The following ST6GALNAC3 variants were observed in gnomAD, a reference collection of about 807,000 sequenced individuals.
ST6GALNAC3 encodes the protein ST6 N-acetylgalactosaminide alpha-2,6-sialyltransferase 3, also known as alpha-N-acetylgalactosaminide alpha-2,6-sialyltransferase 3.
Under a neutral mutation model 32.7 loss-of-function variants are expected in ST6GALNAC3, and 25 were observed. The ratio of observed to expected loss-of-function variants is 0.76; its 90% confidence interval spans 0.56 to 1.07. The LOEUF (loss-of-function observed/expected upper bound fraction) is 1.07, where lower values mean the gene tolerates loss of function less well. ST6GALNAC3 is among the 50% of genes least tolerant of loss of function. The pLI is 0.00. For synonymous variants in ST6GALNAC3, 129 were observed against 133.1 expected (o/e 0.97, Z 0.21); for missense variants, 355 against 382.4 (o/e 0.93, Z 0.60).
At chr1:76,128,180 G>A (rs1384386560) in intron 1 of ST6GALNAC3, among the ~76,000 whole-genome samples, 1 of 152,094 alleles carries the variant, frequency 6.6e-6, no homozygotes, top group African/African-American at 2.4e-5. Flanking sequence ...AGCATACAAG[G>A]TGCTTGTTGG....
intron 1 of ST6GALNAC3, among the ~76,000 whole-genome samples, chr1:76,147,106 A>G (rs1167673962): frequency 4.3e-5 from 6 of 140,284 alleles, no homozygotes; most frequent in Admixed American, 7.5e-5. Context: ...TCTGTCTCCC[A>G]GGCTGGAGTA....
chr1:76,372,897 A>ACAT (rs1224327130), intron 2 of ST6GALNAC3, among the ~76,000 whole-genome samples: 1 of 152,180 alleles, frequency 6.6e-6, no homozygotes, highest in African/African-American at 2.4e-5. Flanking sequence ...TACCAGCCAG[A>ACAT]CATGCTCCTT....
At chr1:76,311,205 T>C (rs897041020) in intron 1 of ST6GALNAC3, among the ~76,000 whole-genome samples, 1 of 152,044 alleles carries the variant, frequency 6.6e-6, no homozygotes, top group African/African-American at 2.4e-5. Context: ...ACCTATACTC[T>C]CTCCCTGCTC....
At chr1:76,457,743 T>C (rs1657944031) in intron 3 of ST6GALNAC3, among the ~76,000 whole-genome samples, 1 of 152,128 alleles carries the variant, frequency 6.6e-6, no homozygotes, top group Non-Finnish European at 1.5e-5. Flanking sequence ...TCAAGCTGGA[T>C]TAAAGATTTA....
chr1:76,505,286 C>G (rs576837487), intron 3 of ST6GALNAC3, among the ~76,000 whole-genome samples: 8 of 152,116 alleles, frequency 5.3e-5, no homozygotes, highest in Admixed American at 1.3e-4. Context: ...CCATGCCCAG[C>G]TAATTTTTTG....
intron 2 of ST6GALNAC3, among the ~76,000 whole-genome samples, chr1:76,390,946 A>ATTTTTTTTTTT (rs58114434): frequency 5.0e-5 from 6 of 121,072 alleles, no homozygotes; most frequent in South Asian, 2.9e-4. Flanking sequence ...ATATATATGT[A>ATTTTTTTTTTT]TTTTTTTTTT....
At chr1:76,453,318 G>T (rs932360126) in intron 3 of ST6GALNAC3, among the ~76,000 whole-genome samples, 6 of 151,754 alleles carry the variant, frequency 4.0e-5, no homozygotes, top group African/African-American at 1.5e-4. Flanking sequence ...CTTCTGCTGG[G>T]TTTGGGTTTG....
chr1:76,510,155 G>C (rs1037463935), intron 3 of ST6GALNAC3, among the ~76,000 whole-genome samples: 2 of 152,132 alleles, frequency 1.3e-5, no homozygotes, highest in African/African-American at 2.4e-5. Flanking sequence ...GGCTTGGATG[G>C]CATAGCTTTT....
At chr1:76,341,253 T>G (rs1647945950) in intron 2 of ST6GALNAC3, among the ~76,000 whole-genome samples, 1 of 151,588 alleles carries the variant, frequency 6.6e-6, no homozygotes, top group Admixed American at 6.6e-5. Flanking sequence ...TCCCCATCTT[T>G]GTGTGTGTGT....
At chr1:76,264,347 T>C (rs530655942) in intron 1 of ST6GALNAC3, among the ~76,000 whole-genome samples, 1 of 152,120 alleles carries the variant, frequency 6.6e-6, no homozygotes, top group African/African-American at 2.4e-5. Flanking sequence ...TTATCTTCAG[T>C]AACTATGTAG....
chr1:76,293,961 C>T (rs983138341), intron 1 of ST6GALNAC3, among the ~76,000 whole-genome samples: 7 of 152,102 alleles, frequency 4.6e-5, no homozygotes, highest in African/African-American at 1.7e-4. Context: ...GAAAACTTTT[C>T]AGAGGAAGGC....
chr1:76,262,994 G>A (rs1658328567), intron 1 of ST6GALNAC3, among the ~76,000 whole-genome samples: 1 of 152,142 alleles, frequency 6.6e-6, no homozygotes, highest in Admixed American at 6.6e-5. Context: ...TTTTGTCTAA[G>A]AGTACCTCAG....
At position 76,523,921 on chromosome 1, in the gene ST6GALNAC3, G is replaced by T. The variant is rs532479572; in HGVS notation, c.624-103531G>T. Among the ~76,000 whole-genome samples, 7 of 152,148 alleles carry T rather than the reference G, an allele frequency of 4.6e-5. No homozygotes were observed. The South Asian group carries it at 1.5e-3, about 32-fold the overall frequency. ...TGCCATTTGAAAGCCTACTTTCCCA[G>T]TCTACCCATGTCAAGAATCAGCACA... is the stretch of plus-strand genomic sequence containing the variant. On this transcript the variant is annotated intron_variant, in intron 3 of 4. Coordinates refer to ENST00000328299, the MANE Select transcript of ST6GALNAC3 (RefSeq NM_152996.4).
At chr1:76,406,391 A>C (rs1653835806) in intron 2 of ST6GALNAC3, among the ~76,000 whole-genome samples, 1 of 152,070 alleles carries the variant, frequency 6.6e-6, no homozygotes, top group African/African-American at 2.4e-5. Context: ...TTGCTTGAGA[A>C]TCTTTCACTG....
intron 1 of ST6GALNAC3, among the ~76,000 whole-genome samples, chr1:76,163,324 A>G (rs1352900837): frequency 6.6e-6 from 1 of 152,236 alleles, no homozygotes; most frequent in African/African-American, 2.4e-5. Flanking sequence ...AGGGCTTAGC[A>G]CAATGCTGAG....
intron 3 of ST6GALNAC3, among the ~76,000 whole-genome samples, chr1:76,499,464 G>C (rs572087984): frequency 6.6e-6 from 1 of 151,944 alleles, no homozygotes; most frequent in East Asian, 1.9e-4. Context: ...CCCTCTCTTA[G>C]CTTCCTCCAC....
intron 1 of ST6GALNAC3, among the ~76,000 whole-genome samples, chr1:76,144,567 A>G (rs570579118): frequency 2.0e-5 from 3 of 152,346 alleles, no homozygotes; most frequent in African/African-American, 7.2e-5. Flanking sequence ...GCTGAAGAAA[A>G]CAACACGGAA....
intron 3 of ST6GALNAC3, among the ~76,000 whole-genome samples, chr1:76,507,577 C>T (rs753527245): frequency 2.6e-5 from 4 of 152,140 alleles, no homozygotes; most frequent in Non-Finnish European, 5.9e-5. Flanking sequence ...TTTCAAGGTT[C>T]GTCTGTATTG....
At chr1:76,548,933 G>A (rs1664458283) in intron 3 of ST6GALNAC3, among the ~76,000 whole-genome samples, 1 of 152,132 alleles carries the variant, frequency 6.6e-6, no homozygotes, top group South Asian at 2.1e-4. Flanking sequence ...CCCTGTGCCT[G>A]ATGAATAGCA....
Sources: allele counts gnomAD v4.1 joint callset (sites outside exome capture counted in the v4.1 genomes callset), GRCh38; gene constraint gnomAD v4.1.1; transcripts MANE v1.5; gene names NCBI Gene and HGNC (gene_info 2026-07-23, HGNC 2026-07-21).